PXDN: variants seen among roughly 807,000 people sequenced by gnomAD.
The protein encoded by PXDN is peroxidasin, also known as peroxidasin homolog.
PXDN carries 77 observed loss-of-function variants against 140.3 expected under a neutral mutation model. That is an observed-to-expected ratio of 0.55 (90% CI 0.46 to 0.66). The LOEUF is 0.66. PXDN is among the 30% of genes least tolerant of loss of function. The pLI, the probability that PXDN is intolerant of heterozygous loss-of-function variation, is 0.00. For synonymous variants in PXDN, 911 were observed against 857.4 expected (o/e 1.06, Z -1.09); for missense variants, 1,838 against 2,039.5 (o/e 0.90, Z 1.90).
chr2:1,634,296 C>T lies in PXDN; in HGVS notation c.4348G>A (p.Ala1450Thr), dbSNP rs1682490461. Residue 1450 changes from alanine to threonine, a missense_variant, in exon 23 of 23, where the codon GCT (alanine) becomes ACT (threonine). By Grantham distance (58) the Ala-to-Thr change is moderately conservative. Transcript: ENST00000252804. ...ACAGCACAGGTGGCAGGGGGGCAAGCTTCCACGAAGCAGGTGACCTGCCCG... is the reference window on the plus strand; with the variant it reads ...ACAGCACAGGTGGCAGGGGGGCAAGTTTCCACGAAGCAGGTGACCTGCCCG... ...KDGQVTCFVE[A>T]CPPATCAVPV... is the part of the protein sequence containing the mutation. The T allele has an allele frequency of 6.2e-7, 1 of 1,601,326 alleles. No individual in the cohort carries two copies. Among genetic ancestry groups the T allele is most frequent in the Non-Finnish European group, 8.5e-7 (1 of 1,174,072 alleles).
intron 13 of PXDN, among the ~76,000 whole-genome samples, chr2:1,661,529 C>A (rs112731115): frequency 7.1e-6 from 1 of 141,018 alleles, no homozygotes; most frequent in African/African-American, 2.5e-5. Context: ...ATTCACAGGG[C>A]AGTGCAGGGA....
intron 1 of PXDN, among the ~76,000 whole-genome samples, chr2:1,742,234 C>A (rs1400824727): frequency 6.6e-6 from 1 of 152,228 alleles, no homozygotes; most frequent in African/African-American, 2.4e-5. Context: ...ATGTTCATTT[C>A]TCCAGTAAAG....
intron 1 of PXDN, among the ~76,000 whole-genome samples, chr2:1,695,977 A>G (rs2125453407): frequency 9.3e-6 from 1 of 107,858 alleles, no homozygotes; most frequent in East Asian, 3.1e-4. Flanking sequence ...GGTGGCCTAG[A>G]GTGATGGACA....
chr2:1,731,456 G>C (rs1033683906), intron 1 of PXDN, among the ~76,000 whole-genome samples: 21 of 152,284 alleles, frequency 1.4e-4, no homozygotes, highest in African/African-American at 5.1e-4. Flanking sequence ...TGGGAGCAGA[G>C]AGCCTTCACA....
chr2:1,674,993 C>T (rs1326017737), intron 8 of PXDN, among the ~76,000 whole-genome samples: 1 of 152,216 alleles, frequency 6.6e-6, no homozygotes, highest in Non-Finnish European at 1.5e-5. Context: ...CGCAGCCAAA[C>T]CGTCGGGAAC....
chr2:1,677,017 TG>T lies in PXDN; in HGVS notation c.757del (p.Gln253ArgfsTer5). The stretch of plus-strand genomic sequence containing the variant: ...GTTCCCCGAGGTCACATCTGCGTCC[TG>T]GGGCTCGGAGGTGATCCGGGGCCTT... ...CERPRITSEP[Q>X]DADVTSGNTV... On this transcript the variant is annotated frameshift_variant, in exon 8 of 23. Transcript: ENST00000252804. LOFTEE classifies it high-confidence loss of function. 6.2e-7 allele frequency: 1 copy of T among 1,609,734 alleles called. No individual in the cohort carries two copies. The highest frequency in any genetic ancestry group is 1.1e-5 in the South Asian group (1 of 90,266).
At chr2:1,644,074 A>G (rs1682794402) in intron 18 of PXDN, among the ~76,000 whole-genome samples, 1 of 143,732 alleles carries the variant, frequency 7.0e-6, no homozygotes, top group African/African-American at 2.7e-5. Flanking sequence ...TCTGTCTCAA[A>G]AAAAAAAAAA....
At chr2:1,647,607 G>A (rs73178783) in intron 17 of PXDN, among the ~76,000 whole-genome samples, 5,263 of 152,302 alleles carry the variant, frequency 0.035, 290 homozygotes, top group African/African-American at 0.12. Context: ...GCTCAGAAGC[G>A]GCGCCATCTG....
intron 1 of PXDN, among the ~76,000 whole-genome samples, chr2:1,710,125 C>A (rs1387324265): frequency 3.9e-5 from 6 of 152,188 alleles, no homozygotes; most frequent in Non-Finnish European, 8.8e-5. Flanking sequence ...CAATGACAAG[C>A]TTTCGGTACA....
chr2:1,705,697 C>T (rs1684585044), intron 1 of PXDN, among the ~76,000 whole-genome samples: 2 of 148,900 alleles, frequency 1.3e-5, no homozygotes, highest in African/African-American at 5.0e-5. Context: ...TCCCCGTGAC[C>T]TGGGATGCAG....
chr2:1,668,088 TG>T (rs1161784319), intron 9 of PXDN, among the ~76,000 whole-genome samples: 1 of 152,184 alleles, frequency 6.6e-6, no homozygotes, highest in Non-Finnish European at 1.5e-5. Flanking sequence ...AACACGATAG[TG>T]CTACCGAAAC....
chr2:1,710,793 A>ACT (rs1328401206), intron 1 of PXDN, among the ~76,000 whole-genome samples: 2 of 18,532 alleles, frequency 1.1e-4, no homozygotes, highest in Admixed American at 6.4e-4. Flanking sequence ...ACCAGCACCC[A>ACT]CTCCACCAGC....
chr2:1,660,342 AAACAGACAGATGC>A lies in PXDN; in HGVS notation c.1837+526_1837+538del, dbSNP rs774510722. 4.6e-5 allele frequency among the ~76,000 whole-genome samples: 7 copies of A among 152,160 alleles called. No individual in the cohort carries two copies. The highest frequency in any genetic ancestry group is 8.8e-5 in the Non-Finnish European group (6 of 68,040). ...TGGAAGTGGTGGCGGACCAGGATGC[AAACAGACAGATGC>A]AGGCATGGAGTCAGGACGGCTCTAG... On this transcript the variant is annotated intron_variant, in intron 14 of 22. Transcript: ENST00000252804. This position sits in a 1 kb window ranked among gnomAD's most constrained non-coding sequence, Gnocchi z 4.6.
chr2:1,744,580 T>G (rs1272840605), upstream of PXDN: 2 of 793,434 alleles, frequency 2.5e-6, no homozygotes, highest in Non-Finnish European at 3.3e-6. Flanking sequence ...GCTGTGCACA[T>G]GCGCGAGGCT....
chr2:1,716,187 C>T (rs989924127), intron 1 of PXDN, among the ~76,000 whole-genome samples: 60 of 152,114 alleles, frequency 3.9e-4, no homozygotes, highest in African/African-American at 1.4e-3. Flanking sequence ...CCTGTAATCC[C>T]AGCACTTTGG....
chr2:1,639,195 A>G lies in PXDN; in HGVS notation c.4073+107T>C, dbSNP rs1572113931. The G allele has an allele frequency of 2.0e-6, 3 of 1,518,588 alleles. No individual in the cohort carries two copies. The highest frequency in any genetic ancestry group is 4.0e-5 in the Admixed American group (2 of 50,040). 94.1% of individuals were successfully genotyped at this position (1,518,588 alleles called of 1,614,324 possible). A position where few individuals can be genotyped will look rare whatever the true frequency, so the allele number is the denominator to read the frequency against. ...CCCAGTGCCCTGGGACGTCCCTGCC[A>G]GGAACCATCCTCGCCACAGGCCCAC... On this transcript the variant is annotated intron_variant, in intron 20 of 22. Transcript: ENST00000252804. This position sits in a 1 kb window ranked among gnomAD's most constrained non-coding sequence, Gnocchi z 5.0.
At chr2:1,676,846 G>T in intron 8 of PXDN, 81 bp downstream of exon 8, 2 of 1,306,872 alleles carry the variant, frequency 1.5e-6, no homozygotes, top group Non-Finnish European at 2.2e-6. Flanking sequence ...GTGGGCCTTG[G>T]TGGGGAGTGA....
rs757754304 is a variant in PXDN, at chr2:1,649,444, C to T, written c.2336G>A (p.Arg779Gln). The T allele has an allele frequency of 7.4e-6, 12 of 1,613,790 alleles. No homozygotes were observed. The highest frequency in any genetic ancestry group is 1.6e-4 in the Middle Eastern group (1 of 6,082). Residue 779 changes from arginine (R) to glutamine (Q), a missense_variant, in exon 17 of 23, where the codon CGG (arginine) becomes CAG (glutamine). Arg to Gln is a conservative substitution (Grantham distance 43, BLOSUM62 1). Around this residue, in one of 5 missense-constraint regions of PXDN, gnomAD observed 537 missense variants for 583.9 expected, o/e 0.92. Coordinates refer to ENST00000252804, the MANE Select transcript of PXDN (RefSeq NM_012293.3). The surrounding 1 kb of genome is among the most constrained non-coding windows in gnomAD (Gnocchi z 7.1). ...SVYENGFNTPRGINPHRLYNG... is the reference protein window; with the variant it reads ...SVYENGFNTPQGINPHRLYNG... ...GTACAGTCGGTGGGGGTTGATGCCC[C>T]GAGGGGTGTTGAAGCCATTCTCGTA...
intron 6 of PXDN, among the ~76,000 whole-genome samples, chr2:1,681,572 G>A (rs1683907593): frequency 6.6e-6 from 1 of 152,012 alleles, no homozygotes; most frequent in Non-Finnish European, 1.5e-5. Context: ...AGGAGGGGAA[G>A]GGGAGGCTAC....
Sources: gnomAD v4.1 joint callset for allele counts (sites outside exome capture counted in the v4.1 genomes callset) on GRCh38, gnomAD v4.1.1 for gene constraint, gnomAD v4.1.1 regional missense constraint, Gnocchi (gnomAD v3.1) non-coding constraint, MANE v1.5 for transcripts, NCBI Gene and HGNC (gene_info 2026-07-23, HGNC 2026-07-21) for gene names.